ACP4: variants seen among roughly 807,000 people sequenced by gnomAD.
ACP4 encodes the protein testicular acid phosphatase.
In ACP4, 49 loss-of-function variants were observed where a neutral mutation model predicts 47.3. That is an observed-to-expected ratio of 1.04 (90% CI 0.82 to 1.32). The LOEUF (loss-of-function observed/expected upper bound fraction) is 1.32. Among genes scored for constraint, ACP4 ranks in the 40% most tolerant of loss-of-function variants. ACP4 has a pLI of 0.00. For synonymous variants in ACP4, 299 were observed against 265.3 expected, an observed-to-expected ratio of 1.13 and a Z score of -1.23; for missense variants, 594 against 579.3, an observed-to-expected ratio of 1.03 and a Z score of -0.26.
At chr19:50,792,434 T>C in intron 6 of ACP4, 97 bp downstream of exon 6, 1 of 1,267,052 alleles carries the variant, frequency 7.9e-7, no homozygotes, top group Non-Finnish European at 1.1e-6. Context: ...ATGTAGTTAA[T>C]CCTCTGTGCC....
At chr19:50,792,382 T>G in intron 6 of ACP4, 45 bp downstream of exon 6, 1 of 1,586,608 alleles carries the variant, frequency 6.3e-7, no homozygotes. Flanking sequence ...GACACCTGTT[T>G]CCAATCCCAG....
chr19:50,794,818 A>G lies in ACP4; in HGVS notation c.1019A>G (p.Asp340Gly). The stretch of plus-strand genomic sequence containing the variant: ...ACCGTCTCCCTCTTCTACCGCAATG[A>G]CTCCGCCCACCTGCCCCTGCCTCTC... ...NVTVSLFYRNDSAHLPLPLSL... is the reference protein window; with the variant it reads ...NVTVSLFYRNGSAHLPLPLSL... The change falls in exon 10 of 11, where the codon GAC (aspartate) becomes GGC (glycine). Residue 340 changes from aspartate (D) to glycine (G), a missense_variant. Asp to Gly is a moderately conservative substitution (Grantham distance 94, BLOSUM62 -1). Transcript: ENST00000270593. 1 of 1,608,428 alleles carries G rather than the reference A, an allele frequency of 6.2e-7. No individual in the cohort carries two copies. Among genetic ancestry groups the G allele is most frequent in the South Asian group, 1.1e-5 (1 of 90,288 alleles).
chr19:50,794,907 C>G lies in ACP4; in HGVS notation c.1108C>G (p.Arg370Gly), dbSNP rs758425746. 11 of 1,613,562 alleles carry G rather than the reference C, an allele frequency of 6.8e-6. No homozygotes were observed. The highest frequency in any genetic ancestry group is 9.3e-6 in the Non-Finnish European group (11 of 1,179,920). Residue 370 changes from arginine to glycine, a missense_variant, in exon 10 of 11, where the codon CGG becomes GGG. Coordinates refer to ENST00000270593, the MANE Select transcript of ACP4 (RefSeq NM_033068.3). ...CTTCTACCAGCTGACTGCCCCGGCC[C>G]GGCCTCCCGCCCATGGGGTCTCCTG... Reference protein sequence around the residue: ...GRFYQLTAPARPPAHGVSCHG... With the variant: ...GRFYQLTAPAGPPAHGVSCHG...
chr19:50,794,649 G>A, intron 9 of ACP4, 68 bp downstream of exon 9: 2 of 1,610,724 alleles, frequency 1.2e-6, no homozygotes, highest in South Asian at 1.1e-5. Context: ...TGATGTGTCA[G>A]GCAGAGGGCA....
intron 8 of ACP4, 69 bp downstream of exon 8, chr19:50,794,039 AG>A (rs1429907071): frequency 7.6e-6 from 12 of 1,571,838 alleles, no homozygotes; most frequent in Non-Finnish European, 1.0e-5. Context: ...GATTTAGGTG[AG>A]GAAGAGCCTG....
chr19:50,793,305 T>G, intron 6 of ACP4: 1 of 196,878 alleles, frequency 5.1e-6, no homozygotes. Context: ...AGGTCAGGAG[T>G]TTCAGACCAG....
At chr19:50,790,736 G>C (rs1021281763) in intron 2 of ACP4, 38 bp downstream of exon 2, 1 of 1,540,992 alleles carries the variant, frequency 6.5e-7, no homozygotes, top group Non-Finnish European at 8.7e-7. Context: ...AGGGTGGGAG[G>C]GGTGGGGAGT....
At chr19:50,793,539 A>T (rs266125) in intron 6 of ACP4, 145 bp from the exon 7 acceptor site, 503,219 of 1,180,484 alleles carry the variant, frequency 0.43, 113,043 homozygotes, top group East Asian at 0.78. Context: ...CAACAAAAAA[A>T]CACTGTTATC....
intron 3 of ACP4, 75 bp downstream of exon 3, chr19:50,790,935 G>C (rs910385164): frequency 1.4e-6 from 2 of 1,404,114 alleles, no homozygotes; most frequent in African/African-American, 2.9e-5. Flanking sequence ...CGCTCTCTTT[G>C]GGCCTCCACC....
rs376606774 is a variant in ACP4, at chr19:50,793,822, G to A, written c.778+6G>A. 4.3e-6 allele frequency: 7 copies of A among 1,613,914 alleles called. No homozygotes were observed. In the African/African-American group the frequency reaches 6.7e-5, roughly 15 times the overall value. On this transcript the variant is annotated splice_donor_region_variant and intron_variant, in intron 7 of 10. Transcript: ENST00000270593. ...GAAGGCCCAGCTGACAGGGGGTGAG[G>A]TGTGGGTCTGGGAGGCTGGGGTGCC...
chr19:50,793,469 T>C, intron 6 of ACP4: 3 of 629,764 alleles, frequency 4.8e-6, no homozygotes, highest in South Asian at 4.8e-5. Flanking sequence ...CAGCCAAGAT[T>C]GCGCTACTGC....
At position 50,791,576 on chromosome 19, in the gene ACP4, G is replaced by A. The variant is rs935005658; in HGVS notation, c.304-80G>A. The A allele has an allele frequency of 1.2e-5, 19 of 1,545,036 alleles. 2 individuals carry two copies. In the South Asian group the frequency reaches 1.5e-4, roughly 12 times the overall value. On this transcript the variant is annotated intron_variant, in intron 3 of 10. Transcript: ENST00000270593. ...CTGACCCCTACTCCAAAGTGAATCT[G>A]AGGCTTCTGATTTGCCACGACAGCT...
chr19:50,792,565 T>G, intron 6 of ACP4: 2 of 523,260 alleles, frequency 3.8e-6, no homozygotes, highest in Non-Finnish European at 6.7e-6. Context: ...TGGTGTACAG[T>G]GAGGGCCTTG....
chr19:50,794,162 G>T (rs569820282), intron 8 of ACP4, among the ~76,000 whole-genome samples, 192 bp downstream of exon 8: 2 of 152,336 alleles, frequency 1.3e-5, no homozygotes, highest in South Asian at 4.1e-4. Context: ...ATGGGAGGAA[G>T]AATTTATGAA....
At position 50,793,984 on chromosome 19, in the gene ACP4, A is replaced by G; in HGVS notation, c.861+14A>G. ...ATGTACTCAGCTGTGAGTCCTTGGG[A>G]AGCAGTGCCACATGGCACTGAGGCA... On this transcript the variant is annotated intron_variant, in intron 8 of 10. Coordinates refer to ENST00000270593, the MANE Select transcript of ACP4 (RefSeq NM_033068.3). The G allele has an allele frequency of 1.9e-6, 3 of 1,613,772 alleles. No homozygotes were observed. The highest frequency in any genetic ancestry group is 2.5e-6 in the Non-Finnish European group (3 of 1,179,920).
At chr19:50,794,002 C>T in intron 8 of ACP4, 32 bp downstream of exon 8, 1 of 1,611,680 alleles carries the variant, frequency 6.2e-7, no homozygotes, top group South Asian at 1.1e-5. Flanking sequence ...CCACATGGCA[C>T]TGAGGCACAG....
At position 50,791,704 on chromosome 19, in the gene ACP4, G is replaced by A; in HGVS notation, c.352G>A (p.Ala118Thr). Residue 118 changes from alanine (A) to threonine (T), a missense_variant, in exon 4 of 11, where the codon GCC becomes ACC. Ala to Thr is a moderately conservative substitution (Grantham distance 58). Transcript: ENST00000270593. ...TGACCGCACGCTGGAGAGTGCCCAG[G>A]CCAACCTTGCCGGGCTGTTTCCCGA... ...DFDRTLESAQ[A>T]NLAGLFPEAA... The A allele has an allele frequency of 1.2e-6, 2 of 1,613,324 alleles. No homozygotes were observed. Among genetic ancestry groups the A allele is most frequent in the Non-Finnish European group, 1.7e-6 (2 of 1,179,936 alleles).
Position 50,792,249 on chromosome 19 carries a change from T to C in ACP4, c.557T>C (p.Leu186Pro). 6.2e-7 allele frequency: 1 copy of C among 1,613,240 alleles called. No individual in the cohort carries two copies. Among genetic ancestry groups the C allele is most frequent in the Non-Finnish European group, 8.5e-7 (1 of 1,179,974 alleles). The change falls in exon 6 of 11, where the codon CTG becomes CCG. Residue 186 changes from leucine (L) to proline (P), a missense_variant. Physicochemically the swap from Leu to Pro is moderately conservative, Grantham distance 98. Coordinates refer to ENST00000270593, the MANE Select transcript of ACP4 (RefSeq NM_033068.3). ...QEALEGWTGF[L>P]SRLENFTGLS... ...CCAGCCCCGCGCATCCAGGGCTTCC[T>C]GAGTCGCCTGGAGAACTTCACGGGA...
intron 4 of ACP4, 84 bp from the exon 5 acceptor site, chr19:50,791,989 G>A: frequency 1.4e-6 from 2 of 1,477,916 alleles, no homozygotes; most frequent in South Asian, 1.3e-5. Flanking sequence ...AGACGCAGGG[G>A]CCGAGAGCCC....
Sources: allele counts gnomAD v4.1 joint callset (sites outside exome capture counted in the v4.1 genomes callset), GRCh38; gene constraint gnomAD v4.1.1; transcripts MANE v1.5; gene names NCBI Gene and HGNC (gene_info 2026-07-23, HGNC 2026-07-21).